Variants in ABHD2 observed in about 807,000 individuals in gnomAD.
ABHD2 encodes the protein monoacylglycerol lipase ABHD2.
ABHD2 carries 20 observed loss-of-function variants against 48.1 expected under a neutral mutation model. The ratio of observed to expected loss-of-function variants is 0.42; its 90% CI spans 0.29 to 0.60. The LOEUF (loss-of-function observed/expected upper bound fraction) is 0.60. ABHD2 is among the 20% of genes least tolerant of loss of function. ABHD2 has a pLI of 0.24. For synonymous variants in ABHD2, 209 were observed against 214.2 expected (o/e 0.98, Z 0.21); for missense variants, 405 against 550.9 (o/e 0.74, Z 2.65).
At position 89,175,955 on chromosome 15, in the gene ABHD2, C is replaced by G. The variant is rs375201895; in HGVS notation, c.682C>G (p.Leu228Val). Residue 228 changes from leucine to valine, a missense_variant, in exon 6 of 11, where the codon CTG becomes GTG. Transcript: ENST00000352732. This position sits in a 1 kb window ranked among gnomAD's most constrained non-coding sequence, Gnocchi z 5.7. ...GETQANQEKVLCCVSVCQGYS... is the reference protein window; with the variant it reads ...GETQANQEKVVCCVSVCQGYS... ...GACTCAGGCAAACCAAGAGAAGGTC[C>G]TGTGCTGCGTCAGCGTGTGCCAGGG... The G allele has an allele frequency of 6.2e-7, 1 of 1,613,448 alleles. No homozygotes were observed. The highest frequency in any genetic ancestry group is 8.5e-7 in the Non-Finnish European group (1 of 1,179,684).
intron 5 of ABHD2, among the ~76,000 whole-genome samples, chr15:89,159,434 A>AT (rs2050728597): frequency 6.6e-6 from 1 of 152,200 alleles, no homozygotes; most frequent in Non-Finnish European, 1.5e-5. Flanking sequence ...GGGCCTGGTG[A>AT]ATGTGCTGCA....
chr15:89,051,097 G>A, the ABHD2 span, among the ~76,000 whole-genome samples: 1 of 152,300 alleles, frequency 6.6e-6, no homozygotes, highest in South Asian at 2.1e-4. Context: ...GCTGGGCGTG[G>A]TGGTGCGCGC....
rs143344355 is a variant in ABHD2 at position 89,131,525 on chromosome 15, C to A, written c.194+15004C>A. On this transcript the variant is annotated intron_variant, in intron 3 of 10. Coordinates refer to ENST00000352732, the MANE Select transcript of ABHD2 (RefSeq NM_152924.5). ...GAGGGGAACAGGCACAGGGACTCCT[C>A]AGTGGTGTGTCCAAGAAAAAGCAAA... 4.9e-3 allele frequency among the ~76,000 whole-genome samples: 741 copies of A among 152,198 alleles called. 5 individuals are homozygous for A. Among genetic ancestry groups the A allele is most frequent in the African/African-American group, 0.017 (709 of 41,520 alleles).
chr15:89,041,679 G>T, the ABHD2 span, among the ~76,000 whole-genome samples: 1 of 152,336 alleles, frequency 6.6e-6, no homozygotes. Context: ...CCAGTGAGAG[G>T]CAGAGTTGAG....
rs1297857960 is a variant in ABHD2 at position 89,146,546 on chromosome 15, G to A, written c.195-5131G>A. On this transcript the variant is annotated intron_variant, in intron 3 of 10. Transcript: ENST00000352732. This position sits in a 1 kb window ranked among gnomAD's most constrained non-coding sequence, Gnocchi z 4.2. ...TCTATATTTTGTTGTGGCCCAGCTTGTTTGTTAGTAACAAACATTTATTAA... is the reference window on the plus strand; with the variant it reads ...TCTATATTTTGTTGTGGCCCAGCTTATTTGTTAGTAACAAACATTTATTAA... 6.6e-6 allele frequency among the ~76,000 whole-genome samples: 1 copy of A among 152,108 alleles called. No homozygotes were observed. The highest frequency in any genetic ancestry group is 1.5e-5 in the Non-Finnish European group (1 of 68,030).
At chr15:89,129,572 C>A (rs1596092868) in intron 3 of ABHD2, among the ~76,000 whole-genome samples, 1 of 152,010 alleles carries the variant, frequency 6.6e-6, no homozygotes, top group African/African-American at 2.4e-5. Flanking sequence ...GGTTTTTCCC[C>A]TAAGATTGAG....
rs57226442 is a variant in ABHD2 at position 89,107,080 on chromosome 15, G to A, written c.-106-6645G>A. Reference sequence around the variant, plus strand: ...GCTGGGAGATCCAGGCTAGGCAAGAGGGGATTTTTACCTGCAGGGAAGAAT... The same window carrying A: ...GCTGGGAGATCCAGGCTAGGCAAGAAGGGATTTTTACCTGCAGGGAAGAAT... On this transcript the variant is annotated intron_variant, in intron 1 of 10. Coordinates refer to ENST00000352732, the MANE Select transcript of ABHD2 (RefSeq NM_152924.5). 1.9e-3 allele frequency among the ~76,000 whole-genome samples: 283 copies of A among 152,246 alleles called. 2 individuals are homozygous for A. Among genetic ancestry groups the A allele is most frequent in the African/African-American group, 6.6e-3 (276 of 41,538 alleles).
chr15:89,112,123 A>T (rs1263332082), intron 1 of ABHD2, among the ~76,000 whole-genome samples: 1 of 152,038 alleles, frequency 6.6e-6, no homozygotes, highest in Non-Finnish European at 1.5e-5. Context: ...CACCACTAAT[A>T]GGGAGTGGTG....
intron 5 of ABHD2, among the ~76,000 whole-genome samples, chr15:89,159,355 C>T (rs1250885465): frequency 6.6e-6 from 1 of 151,934 alleles, no homozygotes; most frequent in Non-Finnish European, 1.5e-5. Flanking sequence ...TCAGCCTGGG[C>T]AACAGAGCGA....
chr15:89,195,547 A>C lies in ABHD2; in HGVS notation c.*124A>C. 2 of 1,027,136 alleles carry C rather than the reference A, an allele frequency of 1.9e-6. No individual in the cohort carries two copies. The highest frequency in any genetic ancestry group is 2.7e-6 in the Non-Finnish European group (2 of 730,136). 63.6% of individuals were successfully genotyped at this position (1,027,136 alleles called of 1,614,324 possible). A position where few individuals can be genotyped will look rare whatever the true frequency, so the allele number is the denominator to read the frequency against. On this transcript the variant is annotated 3_prime_UTR_variant, in exon 11 of 11. Coordinates refer to ENST00000352732, the MANE Select transcript of ABHD2 (RefSeq NM_152924.5). This position sits in a 1 kb window ranked among gnomAD's most constrained non-coding sequence, Gnocchi z 5.1. ...TGACCTCACACCATCAGCAGGGGGC[A>C]CCCACCATGCACACCTGTCTCGGAG...
At chr15:89,076,855 T>C in the ABHD2 span, among the ~76,000 whole-genome samples, 1 of 152,196 alleles carries the variant, frequency 6.6e-6, no homozygotes, top group African/African-American at 2.4e-5. Flanking sequence ...TTCAATTTCT[T>C]TTAAATTTAT....
intron 1 of ABHD2, among the ~76,000 whole-genome samples, chr15:89,113,354 C>T (rs765123016): frequency 2.6e-5 from 4 of 152,228 alleles, no homozygotes; most frequent in Admixed American, 2.0e-4. Flanking sequence ...TGTGCTGTCT[C>T]GATCTCAAGC....
rs954396785 is a variant in ABHD2 at position 89,175,744 on chromosome 15, C to T, written c.539-68C>T. ...ATACTGGCACCCATTTAGTAACGTT[C>T]CAGCTTGCATTTTCTCCAGATAGGA... On this transcript the variant is annotated intron_variant, in intron 5 of 10. Transcript: ENST00000352732. The surrounding 1 kb of genome is among the most constrained non-coding windows in gnomAD (Gnocchi z 5.7). The T allele has an allele frequency of 7.0e-6, 11 of 1,560,874 alleles. No individual in the cohort carries two copies. In the Admixed American group the frequency reaches 1.4e-4, roughly 20 times the overall value.
the ABHD2 span, among the ~76,000 whole-genome samples, chr15:89,054,643 G>C: frequency 6.6e-6 from 1 of 151,554 alleles, no homozygotes; most frequent in East Asian, 1.9e-4. Context: ...TTGTGCCACT[G>C]TACTCTAGCC....
At chr15:89,126,759 G>T (rs117921248) in intron 3 of ABHD2, among the ~76,000 whole-genome samples, 1 of 152,164 alleles carries the variant, frequency 6.6e-6, no homozygotes. Flanking sequence ...GGCTGTTTAC[G>T]CTTTTCTTTG....
intron 3 of ABHD2, among the ~76,000 whole-genome samples, chr15:89,132,068 G>T (rs775890884): frequency 8.5e-5 from 13 of 152,108 alleles, no homozygotes; most frequent in Non-Finnish European, 1.3e-4. Context: ...ATTCAAGAAA[G>T]ATGAAAACAA....
Position 89,164,259 on chromosome 15 carries a change from T to A in ABHD2, c.538+8725T>A, listed in dbSNP as rs1289536104. 2.0e-5 allele frequency among the ~76,000 whole-genome samples: 3 copies of A among 152,166 alleles called. No homozygotes were observed. Among genetic ancestry groups the A allele is most frequent in the Admixed American group, 1.3e-4 (2 of 15,282 alleles). ...TGCACAGTCACAGTCGGTCTAAGCT[T>A]ATTGGCTAGGTTTGTCCAAAAGGAA... On this transcript the variant is annotated intron_variant, in intron 5 of 10. Transcript: ENST00000352732. This position sits in a 1 kb window ranked among gnomAD's most constrained non-coding sequence, Gnocchi z 5.0.
chr15:89,055,248 G>A, the ABHD2 span, among the ~76,000 whole-genome samples: 1 of 150,412 alleles, frequency 6.6e-6, no homozygotes, highest in Admixed American at 6.6e-5. Flanking sequence ...TTTGTGTCCA[G>A]TTTTAAAGTG....
chr15:89,105,340 C>G (rs938199060), intron 1 of ABHD2, among the ~76,000 whole-genome samples: 2 of 152,168 alleles, frequency 1.3e-5, no homozygotes, highest in Admixed American at 1.3e-4. Context: ...GTAGCCATTC[C>G]TGACATTTAA....
Sources: allele counts gnomAD v4.1 joint callset (sites outside exome capture counted in the v4.1 genomes callset), GRCh38; gene constraint gnomAD v4.1.1; non-coding constraint Gnocchi (gnomAD v3.1); transcripts MANE v1.5; gene names NCBI Gene and HGNC (gene_info 2026-07-23, HGNC 2026-07-21).